PRIMA1: variants seen among roughly 807,000 people sequenced by gnomAD.
PRIMA1 encodes the protein proline-rich membrane anchor 1.
In PRIMA1, 7 loss-of-function variants were observed where a neutral mutation model predicts 17.5. The observed-to-expected ratio is 0.40, with a 90% CI of 0.23 to 0.75. The LOEUF (loss-of-function observed/expected upper bound fraction) is 0.75. Among genes scored for constraint, PRIMA1 ranks in the 30% least tolerant of loss-of-function variants. PRIMA1 has a pLI of 0.37. For missense variants in PRIMA1, 200 were observed against 201.8 expected (o/e 0.99, Z 0.05); for synonymous variants, 97 against 77.9 (o/e 1.25, Z -1.29).
chr14:93,757,350 C>CGGAGGGATG (rs1471311187), intron 3 of PRIMA1, among the ~76,000 whole-genome samples: 7 of 152,244 alleles, frequency 4.6e-5, no homozygotes, highest in African/African-American at 1.7e-4. Flanking sequence ...CCGTTCCCTT[C>CGGAGGGATG]GGAGGGATGG....
chr14:93,758,107 C>G (rs920370814), intron 3 of PRIMA1, among the ~76,000 whole-genome samples: 1 of 152,210 alleles, frequency 6.6e-6, no homozygotes, highest in Non-Finnish European at 1.5e-5. Context: ...TGTCCTGCCT[C>G]CCTCGCTTCC....
rs1328746123 is a variant in PRIMA1, at chr14:93,756,519, A to G, written c.230-19149T>C. Among the ~76,000 whole-genome samples the G allele has an allele frequency of 1.4e-3, 211 of 152,228 alleles. 1 individual carries two copies. Among genetic ancestry groups the G allele is most frequent in the Non-Finnish European group, 2.9e-4 (20 of 68,004 alleles). On this transcript the variant is annotated intron_variant, in intron 3 of 4. Transcript: ENST00000393140. ...GGGTGGGCAGGAGGAAAGGTCCTAT[A>G]GCTCCTGGCCCCGGACCCCGACCCC...
intron 3 of PRIMA1, among the ~76,000 whole-genome samples, chr14:93,767,984 C>T (rs978723446): frequency 8.5e-5 from 13 of 152,196 alleles, no homozygotes; most frequent in East Asian, 5.8e-4. Flanking sequence ...TGGAATGAGA[C>T]GGTGGTGATG....
intron 3 of PRIMA1, among the ~76,000 whole-genome samples, chr14:93,771,607 A>G (rs1885072507): frequency 6.6e-6 from 1 of 152,216 alleles, no homozygotes; most frequent in Non-Finnish European, 1.5e-5. Context: ...CTGTAGCAGC[A>G]AGAGAAAGAA....
chr14:93,743,896 C>T (rs776428729), intron 3 of PRIMA1, among the ~76,000 whole-genome samples: 44 of 152,334 alleles, frequency 2.9e-4, no homozygotes, highest in Non-Finnish European at 4.6e-4. Context: ...ACTCGGTGCG[C>T]GCTGAAAGGG....
intron 4 of PRIMA1, among the ~76,000 whole-genome samples, chr14:93,727,483 G>C (rs1275492721): frequency 6.6e-6 from 1 of 152,230 alleles, no homozygotes; most frequent in Admixed American, 6.5e-5. Context: ...TGAGATGCCA[G>C]AATGGTGCTG....
chr14:93,781,896 C>T (rs2141196025), intron 2 of PRIMA1, among the ~76,000 whole-genome samples: 1 of 152,178 alleles, frequency 6.6e-6, no homozygotes, highest in East Asian at 1.9e-4. Context: ...ATGACTTGAA[C>T]CTGGAGGTCA....
intron 2 of PRIMA1, among the ~76,000 whole-genome samples, chr14:93,780,370 C>T (rs1394958806): frequency 6.6e-6 from 1 of 152,214 alleles, no homozygotes; most frequent in African/African-American, 2.4e-5. Flanking sequence ...GGCCTTGTTC[C>T]TTCTCTCTCA....
chr14:93,775,348 C>T (rs965823331), intron 3 of PRIMA1, among the ~76,000 whole-genome samples: 1 of 152,234 alleles, frequency 6.6e-6, no homozygotes, highest in African/African-American at 2.4e-5. Context: ...CGGGCCCTGG[C>T]ACCATGCCCC....
At chr14:93,725,082 C>T (rs1401255672) in intron 4 of PRIMA1, among the ~76,000 whole-genome samples, 1 of 152,114 alleles carries the variant, frequency 6.6e-6, no homozygotes, top group Non-Finnish European at 1.5e-5. Context: ...AGGAAGTGAG[C>T]CTGGCAGGAG....
chr14:93,778,132 G>C (rs899298735), intron 3 of PRIMA1, among the ~76,000 whole-genome samples: 1 of 152,232 alleles, frequency 6.6e-6, no homozygotes, highest in African/African-American at 2.4e-5. Flanking sequence ...CTCAGAACCT[G>C]TAATTGTGAC....
intron 3 of PRIMA1, among the ~76,000 whole-genome samples, chr14:93,775,818 A>C (rs1346357602): frequency 6.6e-6 from 1 of 152,168 alleles, no homozygotes; most frequent in Non-Finnish European, 1.5e-5. Flanking sequence ...TTTGGGTTTT[A>C]GCCCTTCTAT....
chr14:93,741,498 C>CAGTT (rs2076183992), intron 3 of PRIMA1, among the ~76,000 whole-genome samples: 1 of 152,208 alleles, frequency 6.6e-6, no homozygotes, highest in Non-Finnish European at 1.5e-5. Flanking sequence ...ATTTGTTCAT[C>CAGTT]CAGCAAACTG....
chr14:93,783,172 G>A (rs1885430379), intron 2 of PRIMA1, among the ~76,000 whole-genome samples: 1 of 152,210 alleles, frequency 6.6e-6, no homozygotes. Flanking sequence ...GGGCGGGCAG[G>A]TAGATGAGTA....
At chr14:93,787,058 T>G (rs1885546477) in intron 2 of PRIMA1, among the ~76,000 whole-genome samples, 1 of 152,080 alleles carries the variant, frequency 6.6e-6, no homozygotes, top group African/African-American at 2.4e-5. Flanking sequence ...GAAACCCCTC[T>G]CTGACCCTAA....
intron 3 of PRIMA1, among the ~76,000 whole-genome samples, chr14:93,753,070 G>C (rs2076270515): frequency 6.6e-6 from 1 of 152,132 alleles, no homozygotes; most frequent in Admixed American, 6.5e-5. Flanking sequence ...AGGGCTGGAA[G>C]ATGGCCAGGG....
At chr14:93,788,629 A>G (rs940158620), upstream of PRIMA1, 2 of 151,828 alleles carry the variant, frequency 1.3e-5, no homozygotes, top group Non-Finnish European at 2.9e-5. Flanking sequence ...CGCTGGAGCA[A>G]AAGTTTGCGC....
rs1449714041 is a variant in PRIMA1 at position 93,719,283 on chromosome 14, A to G, written c.*2161T>C. The G allele has an allele frequency of 6.6e-6, 1 of 152,198 alleles. No homozygotes were observed. The highest frequency in any genetic ancestry group is 1.5e-5 in the Non-Finnish European group (1 of 68,036). 9.4% of individuals were successfully genotyped at this position (152,198 alleles called of 1,614,324 possible). Reference sequence around the variant, plus strand: ...ACCAGGGAGCCTCGCCTGGGGCTGGAAGATTAGGCTAACTGCAAAATCCAG... The same window carrying G: ...ACCAGGGAGCCTCGCCTGGGGCTGGGAGATTAGGCTAACTGCAAAATCCAG... On this transcript the variant is annotated 3_prime_UTR_variant, in exon 5 of 5. Coordinates refer to ENST00000393140, the MANE Select transcript of PRIMA1 (RefSeq NM_178013.4).
At chr14:93,763,899 C>T (rs1196796070) in intron 3 of PRIMA1, among the ~76,000 whole-genome samples, 1 of 152,110 alleles carries the variant, frequency 6.6e-6, no homozygotes, top group East Asian at 1.9e-4. Flanking sequence ...TCCTCAACTC[C>T]AGAGGCACCA....
Sources: allele counts gnomAD v4.1 joint callset (sites outside exome capture counted in the v4.1 genomes callset), GRCh38; gene constraint gnomAD v4.1.1; transcripts MANE v1.5; gene names NCBI Gene and HGNC (gene_info 2026-07-23, HGNC 2026-07-21).